The following NRG1 variants were observed in gnomAD, a reference collection of about 807,000 sequenced individuals.
NRG1 encodes neuregulin 1.
A neutral mutation model predicts 63.8 loss-of-function variants in NRG1; 18 were observed. That is an observed-to-expected ratio of 0.28 (90% CI 0.19 to 0.42). The LOEUF is 0.42. Among genes scored for constraint, NRG1 ranks in the 10% least tolerant of loss-of-function variants. The probability of loss-of-function intolerance (pLI) is 1.00; values close to 1 mark genes in which losing one functional copy is unlikely to be tolerated. For synonymous variants in NRG1, 302 were observed against 301.3 expected (o/e 1.00, Z -0.02); for missense variants, 762 against 814.7 (o/e 0.94, Z 0.79).
At chr8:32,617,055 G>A (rs1022118914) in intron 5 of NRG1, among the ~76,000 whole-genome samples, 170 bp downstream of exon 5, 17 of 152,080 alleles carry the variant, frequency 1.1e-4, no homozygotes, top group African/African-American at 3.4e-4. Flanking sequence ...TATGCTTAAG[G>A]ACAACTAGAC....
At position 32,424,968 on chromosome 8, in the gene NRG1, A is replaced by G. The variant is rs920066204; in HGVS notation, c.38-170860A>G. ...CTTTGTTTCCTCATCTAGAAGATGT[A>G]GTAAAGATAAATGAGGTCATATATG... On this transcript the variant is annotated intron_variant, in intron 1 of 10. Coordinates refer to the NRG1 transcript ENST00000519301. Among the ~76,000 whole-genome samples the G allele has an allele frequency of 2.6e-5, 4 of 152,322 alleles. No individual in the cohort carries two copies. The East Asian group carries it at 7.7e-4, about 29-fold the overall frequency.
At chr8:32,480,504 A>C (rs551773976) in intron 1 of NRG1, among the ~76,000 whole-genome samples, 3 of 152,180 alleles carry the variant, frequency 2.0e-5, no homozygotes, top group Non-Finnish European at 4.4e-5. Context: ...AAAAACAAAA[A>C]AAACGAGGCA....
At chr8:32,523,046 C>T (rs141690374) in intron 1 of NRG1, among the ~76,000 whole-genome samples, 1,835 of 152,232 alleles carry the variant, frequency 0.012, 34 homozygotes, top group African/African-American at 0.042. Context: ...AAACGATCCT[C>T]CACCCTCAGC....
chr8:32,043,948 C>A (rs1478251691), intron 1 of NRG1, among the ~76,000 whole-genome samples: 1 of 151,758 alleles, frequency 6.6e-6, no homozygotes, highest in Non-Finnish European at 1.5e-5. Flanking sequence ...TAAATCCAAG[C>A]ATATCTATAC....
rs189578160 is a variant in NRG1 at position 32,696,953 on chromosome 8, C to T, written c.503-30996C>T. On this transcript the variant is annotated intron_variant, in intron 5 of 11. Coordinates refer to ENST00000356819, the Ensembl canonical transcript of NRG1. ...CTGGGATTACAGGCGTGAGCCACCG[C>T]GCCTGGCCAAAGTAATCTATCTTTA... Among the ~76,000 whole-genome samples, 88 of 152,222 alleles carry T rather than the reference C, an allele frequency of 5.8e-4. 1 individual carries two copies. In the East Asian group the frequency reaches 0.012, roughly 21 times the overall value.
At chr8:32,499,756 C>T (rs1167311895) in intron 1 of NRG1, among the ~76,000 whole-genome samples, 2 of 152,144 alleles carry the variant, frequency 1.3e-5, no homozygotes, top group Admixed American at 6.5e-5. Flanking sequence ...GTCTCAGTCA[C>T]GTGCATTTCC....
At chr8:32,245,762 C>G (rs909598212) in intron 1 of NRG1, among the ~76,000 whole-genome samples, 1 of 152,092 alleles carries the variant, frequency 6.6e-6, no homozygotes, top group Non-Finnish European at 1.5e-5. Context: ...CATAGGGTTT[C>G]TTATATTTGC....
chr8:32,171,549 A>G (rs1840040034), intron 1 of NRG1: 1 of 152,342 alleles, frequency 6.6e-6, no homozygotes, highest in Non-Finnish European at 1.5e-5. Flanking sequence ...AGGGAGAGGC[A>G]TTGCCTCACC....
chr8:32,489,252 G>T (rs780760885), intron 1 of NRG1, among the ~76,000 whole-genome samples: 1 of 152,148 alleles, frequency 6.6e-6, no homozygotes, highest in Admixed American at 6.5e-5. Context: ...CACCTGAGGC[G>T]TTCTTCGGGT....
chr8:32,064,216 G>C (rs1824370099), intron 1 of NRG1, among the ~76,000 whole-genome samples: 1 of 152,138 alleles, frequency 6.6e-6, no homozygotes. Context: ...GGCTAAGCTA[G>C]ATAGCCAAAC....
At chr8:32,087,107 A>G (rs1467722128) in intron 1 of NRG1, among the ~76,000 whole-genome samples, 3 of 152,124 alleles carry the variant, frequency 2.0e-5, no homozygotes, top group African/African-American at 2.4e-5. Flanking sequence ...ACTATTTTAC[A>G]TACCTCATTG....
intron 1 of NRG1, among the ~76,000 whole-genome samples, chr8:32,036,022 G>A (rs1048083946): frequency 1.3e-5 from 2 of 152,170 alleles, no homozygotes; most frequent in Non-Finnish European, 1.5e-5. Flanking sequence ...TTGCTTCATA[G>A]TGTCATTAGT....
intron 5 of NRG1, among the ~76,000 whole-genome samples, chr8:32,702,152 C>A (rs140268938): frequency 6.6e-6 from 1 of 152,082 alleles, no homozygotes; most frequent in East Asian, 1.9e-4. Context: ...CAAAAAAAAT[C>A]GATAGGAAAT....
At chr8:31,773,306 A>G (rs1205576323) in intron 1 of NRG1, among the ~76,000 whole-genome samples, 1 of 152,204 alleles carries the variant, frequency 6.6e-6, no homozygotes, top group Non-Finnish European at 1.5e-5. Context: ...CATTTAAGTC[A>G]TGATCATTTA....
chr8:31,986,248 A>G (rs754182446), intron 1 of NRG1, among the ~76,000 whole-genome samples: 2 of 152,068 alleles, frequency 1.3e-5, no homozygotes, highest in Non-Finnish European at 2.9e-5. Flanking sequence ...AAAGTGCATC[A>G]GTAAGAGATC....
At chr8:32,051,885 A>G (rs1822034793) in intron 1 of NRG1, among the ~76,000 whole-genome samples, 1 of 152,160 alleles carries the variant, frequency 6.6e-6, no homozygotes. Context: ...AAGAGAGAGA[A>G]GTTCATATTT....
intron 1 of NRG1, among the ~76,000 whole-genome samples, chr8:32,517,336 T>G (rs1456376567): frequency 2.6e-5 from 4 of 152,304 alleles, no homozygotes; most frequent in African/African-American, 9.6e-5. Flanking sequence ...AGAACTTTTA[T>G]TTTGTAATAA....
chr8:32,657,330 T>G (rs1482569655), intron 5 of NRG1, among the ~76,000 whole-genome samples: 1 of 152,026 alleles, frequency 6.6e-6, no homozygotes, highest in African/African-American at 2.4e-5. Context: ...TCACAGTTAC[T>G]CTTCTCTTTC....
chr8:32,575,663 A>G (rs1032512945), intron 1 of NRG1, among the ~76,000 whole-genome samples: 1 of 152,228 alleles, frequency 6.6e-6, no homozygotes, highest in Admixed American at 6.5e-5. Context: ...AAATAAGTAT[A>G]AAGTAGGAAA....
Sources: allele counts gnomAD v4.1 joint callset (sites outside exome capture counted in the v4.1 genomes callset), GRCh38; gene constraint gnomAD v4.1.1; transcripts MANE v1.5; gene names NCBI Gene and HGNC (gene_info 2026-07-23, HGNC 2026-07-21).